EEA1: variants seen among roughly 807,000 people sequenced by gnomAD.
EEA1 encodes the protein early endosome antigen 1.
In EEA1, 111 loss-of-function variants were observed where a neutral mutation model predicts 209.2. The observed-to-expected ratio is 0.53, with a 90% confidence interval of 0.45 to 0.62. EEA1 has a LOEUF of 0.62. Among genes scored for constraint, EEA1 ranks in the 20% least tolerant of loss-of-function variants. The pLI, the probability that EEA1 is intolerant of heterozygous loss-of-function variation, is 0.00. For synonymous variants in EEA1, 536 were observed against 540.6 expected, an observed-to-expected ratio of 0.99 and a Z score of 0.12; for missense variants, 1,343 against 1,530.8, an observed-to-expected ratio of 0.88 and a Z score of 2.05.
At chr12:92,776,785 A>G (rs1873672745) in intron 28 of EEA1, 59 bp downstream of exon 28, 6 of 1,473,268 alleles carry the variant, frequency 4.1e-6, no homozygotes, top group South Asian at 1.1e-5. Context: ...TGGTTAAAAC[A>G]TTAATTATCA....
At chr12:92,782,198 T>C in intron 22 of EEA1, 63 bp from the exon 23 acceptor site, 1 of 1,324,668 alleles carries the variant, frequency 7.5e-7, no homozygotes, top group Non-Finnish European at 1.0e-6. Flanking sequence ...AACAGAAACA[T>C]AGTTAATATA....
chr12:92,859,324 G>A, intron 3 of EEA1: 1 of 1,252,874 alleles, frequency 8.0e-7, no homozygotes, highest in African/African-American at 1.5e-5. Flanking sequence ...CAACAGAGAA[G>A]CCTTCAAGCT....
intron 26 of EEA1, 127 bp downstream of exon 26, chr12:92,777,814 C>T: frequency 8.1e-7 from 1 of 1,228,226 alleles, no homozygotes. Flanking sequence ...TTTTAAATGG[C>T]TACTTAAATA....
chr12:92,797,308 G>C (rs796792635), intron 21 of EEA1, among the ~76,000 whole-genome samples: 1 of 152,206 alleles, frequency 6.6e-6, no homozygotes, highest in Non-Finnish European at 1.5e-5. Context: ...GGCTGGTCTC[G>C]AACTCCTGAC....
intron 27 of EEA1, 75 bp from the exon 28 acceptor site, chr12:92,777,017 G>A: frequency 5.4e-6 from 8 of 1,479,326 alleles, no homozygotes; most frequent in Non-Finnish European, 6.5e-6. Flanking sequence ...CTAACTTGCT[G>A]CCAGAGTTCT....
chr12:92,860,575 T>C (rs916868379), intron 3 of EEA1, among the ~76,000 whole-genome samples: 6 of 152,158 alleles, frequency 3.9e-5, no homozygotes, highest in African/African-American at 1.4e-4. Context: ...TTACCATGAT[T>C]CCTTTAACAT....
Position 92,852,217 on chromosome 12 carries a change from T to G in EEA1, c.600A>C (p.Leu200Phe). 6.3e-7 allele frequency: 1 copy of G among 1,596,776 alleles called. No individual in the cohort carries two copies. Among genetic ancestry groups the G allele is most frequent in the Non-Finnish European group, 8.5e-7 (1 of 1,172,532 alleles). The change falls in exon 8 of 29, where the codon TTA becomes TTC. Residue 200 changes from leucine to phenylalanine, a missense_variant. Physicochemically the swap from Leu to Phe is conservative, Grantham distance 22. Transcript: ENST00000322349. ...EQKVTRLTEE[L>F]NKEATVIQDL... Reference sequence around the variant, plus strand: ...CTTGAATTACAGTTGCCTCTTTGTTTAATTCTTCTGTCAGACGTGTCACTT... The same window carrying G: ...CTTGAATTACAGTTGCCTCTTTGTTGAATTCTTCTGTCAGACGTGTCACTT...
chr12:92,901,152 CCAGATGG>C, intron 1 of EEA1, among the ~76,000 whole-genome samples: 1 of 152,256 alleles, frequency 6.6e-6, no homozygotes, highest in African/African-American at 2.4e-5. Flanking sequence ...TTTCCAGATG[CCAGATGG>C]CTTTTCACCA....
intron 2 of EEA1, among the ~76,000 whole-genome samples, chr12:92,886,795 G>A (rs1401511630): frequency 2.0e-5 from 3 of 151,926 alleles, no homozygotes; most frequent in East Asian, 2.0e-4. Context: ...TCAGGAGATC[G>A]AGACCATCCT....
Position 92,842,560 on chromosome 12 carries a change from T to A in EEA1, c.820A>T (p.Ser274Cys). Reference protein sequence around the residue: ...SSEATISQLRSELAKGPQEVA... With the variant: ...SSEATISQLRCELAKGPQEVA... ...TCCTGGGGGCCTTTGGCAAGTTCACTCCTTAGCTGGCTTATTGTGGCCTAA... is the reference window on the plus strand; with the variant it reads ...TCCTGGGGGCCTTTGGCAAGTTCACACCTTAGCTGGCTTATTGTGGCCTAA... Residue 274 changes from serine to cysteine, a missense_variant, in exon 10 of 29, where the codon AGT (serine) becomes TGT (cysteine). Transcript: ENST00000322349. 3 of 1,603,024 alleles carry A rather than the reference T, an allele frequency of 1.9e-6. No homozygotes were observed. The highest frequency in any genetic ancestry group is 1.1e-5 in the South Asian group (1 of 88,252).
chr12:92,791,337 TA>T (rs1295308924), intron 21 of EEA1, among the ~76,000 whole-genome samples: 1 of 152,100 alleles, frequency 6.6e-6, no homozygotes, highest in African/African-American at 2.4e-5. Context: ...GCAAATTGGA[TA>T]AAGAGTCAAG....
intron 10 of EEA1, among the ~76,000 whole-genome samples, chr12:92,837,313 G>A (rs1876975287): frequency 6.6e-6 from 1 of 152,160 alleles, no homozygotes; most frequent in Admixed American, 6.5e-5. Context: ...CAGCCAGTAA[G>A]TGGCAAAGCT....
intron 18 of EEA1, among the ~76,000 whole-genome samples, chr12:92,808,582 A>G (rs1467677978): frequency 6.6e-6 from 1 of 151,350 alleles, no homozygotes; most frequent in Non-Finnish European, 1.5e-5. Flanking sequence ...CAATCTTGCT[A>G]TGCTACCCAG....
chr12:92,825,631 A>C (rs1876261416), intron 13 of EEA1, among the ~76,000 whole-genome samples: 1 of 152,066 alleles, frequency 6.6e-6, no homozygotes, highest in Non-Finnish European at 1.5e-5. Context: ...CTACAATTCC[A>C]GTGTTCAGAT....
intron 1 of EEA1, among the ~76,000 whole-genome samples, chr12:92,925,274 GC>G (rs1881170715): frequency 6.6e-6 from 1 of 151,878 alleles, no homozygotes; most frequent in Admixed American, 6.6e-5. Context: ...GAGTGCAGTG[GC>G]ACGATCTTGG....
At position 92,801,612 on chromosome 12, in the gene EEA1, T is replaced by A. The variant is rs566813662; in HGVS notation, c.2760A>T (p.Glu920Asp). 6.3e-7 allele frequency: 1 copy of A among 1,590,546 alleles called. No individual in the cohort carries two copies. The change falls in exon 20 of 29, where the codon GAA becomes GAT. Residue 920 changes from glutamate to aspartate, a missense_variant. This residue lies in a region of EEA1 where 1,307 missense variants were observed against 1,465.5 expected (regional missense o/e 0.89). Transcript: ENST00000322349. ...AAAAAAATCTTACCTCCTTCTCTTT[T>A]TCAAGTGACTTTTTCAGTTCCTTCT... ...KEQKELKKSL[E>D]KEKEASHQLK...
chr12:92,848,879 C>T lies in EEA1; in HGVS notation c.798+2232G>A, dbSNP rs538961797. Among the ~76,000 whole-genome samples, 12 of 152,024 alleles carry T rather than the reference C, an allele frequency of 7.9e-5. No homozygotes were observed. The East Asian group carries it at 1.5e-3, about 20-fold the overall frequency. ...TCCCACCTAGCTGGGAGTACAGGTA[C>T]GTGCCAGCACGTCTGGCTAACTTTC... On this transcript the variant is annotated intron_variant, in intron 9 of 28. Transcript: ENST00000322349.
intron 21 of EEA1, among the ~76,000 whole-genome samples, chr12:92,794,506 TA>T (rs1944216313): frequency 6.6e-6 from 1 of 150,926 alleles, no homozygotes; most frequent in East Asian, 2.0e-4. Flanking sequence ...ATAGACTGGA[TA>T]AAAAAAAATA....
At position 92,802,617 on chromosome 12, in the gene EEA1, T is replaced by TAA. The variant is rs1555199978; in HGVS notation, c.2455_2456dup (p.Leu819PhefsTer2). Reference sequence around the variant, plus strand: ...CATGCTGAATCTTTGTTTCTTGACTTAAAGTTTCAAAATCTTGTTTCAGGA... The same window carrying TAA: ...CATGCTGAATCTTTGTTTCTTGACTTAAAAAGTTTCAAAATCTTGTTTCAGGA... On this transcript the variant is annotated frameshift_variant, in exon 19 of 29. Coordinates refer to ENST00000322349, the MANE Select transcript of EEA1 (RefSeq NM_003566.4). LOFTEE classifies it high-confidence loss of function. The TAA allele has an allele frequency of 2.5e-6, 4 of 1,605,078 alleles. No homozygotes were observed. The highest frequency in any genetic ancestry group is 3.4e-6 in the Non-Finnish European group (4 of 1,177,432).
Sources: allele counts gnomAD v4.1 joint callset (sites outside exome capture counted in the v4.1 genomes callset), GRCh38; gene constraint gnomAD v4.1.1; regional missense constraint gnomAD v4.1.1; transcripts MANE v1.5; gene names NCBI Gene and HGNC (gene_info 2026-07-23, HGNC 2026-07-21).